The following ZNF688 variants were observed in gnomAD, a reference collection of about 807,000 sequenced individuals.
The protein encoded by ZNF688 is zinc finger protein 688.
ZNF688 carries 10 observed loss-of-function variants against 13.2 expected under a neutral mutation model. That is an observed-to-expected ratio of 0.76 (90% CI 0.47 to 1.28). The LOEUF is 1.28. Among genes scored for constraint, ZNF688 ranks in the 50% most tolerant of loss-of-function variants. The pLI, the probability that ZNF688 is intolerant of heterozygous loss-of-function variation, is 0.00. For synonymous variants in ZNF688, 160 were observed against 159.4 expected (o/e 1.00, Z -0.03); for missense variants, 381 against 391.4 (o/e 0.97, Z 0.22).
intron 2 of ZNF688, 71 bp downstream of exon 2, chr16:30,570,939 G>C: frequency 6.8e-7 from 1 of 1,469,742 alleles, no homozygotes; most frequent in Non-Finnish European, 9.5e-7. Flanking sequence ...GGAAGTGGGG[G>C]CCTGAAAAGA....
chr16:30,570,483 C>G, intron 2 of ZNF688, 47 bp from the exon 3 acceptor site: 1 of 1,571,512 alleles, frequency 6.4e-7, no homozygotes, highest in Non-Finnish European at 8.6e-7. Flanking sequence ...TTTGCACAGA[C>G]TGTCTCAGGT....
chr16:30,570,013 G>C lies in ZNF688; in HGVS notation c.734C>G (p.Pro245Arg), dbSNP rs764164631. 1 of 1,610,946 alleles carries C rather than the reference G, an allele frequency of 6.2e-7. No homozygotes were observed. The highest frequency in any genetic ancestry group is 8.5e-7 in the Non-Finnish European group (1 of 1,179,340). Residue 245 changes from proline (P) to arginine (R), a missense_variant, in exon 3 of 3, where the codon CCT (proline) becomes CGT (arginine). Coordinates refer to ENST00000223459, the MANE Select transcript of ZNF688 (RefSeq NM_145271.4). Reference protein sequence around the residue: ...SCSGGRRGRRPGIRAVPRAPV... With the variant: ...SCSGGRRGRRRGIRAVPRAPV... ...GGCCCGAGGCACAGCCCGGATCCCA[G>C]GCCTCCGGCCCCGCCGCCCCCCGGA...
upstream of ZNF688, chr16:30,573,603 A>G (rs1383861566): frequency 1.2e-5 from 2 of 161,560 alleles, no homozygotes; most frequent in South Asian, 1.7e-4. Context: ...CTGGCTCTGG[A>G]TCTACTTGCT....
chr16:30,570,053 T>G lies in ZNF688; in HGVS notation c.694A>C (p.Ile232Leu). 1 of 1,610,958 alleles carries G rather than the reference T, an allele frequency of 6.2e-7. No individual in the cohort carries two copies. The highest frequency in any genetic ancestry group is 8.5e-7 in the Non-Finnish European group (1 of 1,179,258). Reference protein sequence around the residue: ...RKFAVEAHQWIHRSCSGGRRG... With the variant: ...RKFAVEAHQWLHRSCSGGRRG... Reference sequence around the variant, plus strand: ...CGCCCCCCGGAGCAGGAGCGGTGGATCCACTGGTGCGCTTCCACTGCGAAC... The same window carrying G: ...CGCCCCCCGGAGCAGGAGCGGTGGAGCCACTGGTGCGCTTCCACTGCGAAC... Residue 232 changes from isoleucine (I) to leucine (L), a missense_variant, in exon 3 of 3, where the codon ATC becomes CTC. Ile to Leu is a conservative substitution (Grantham distance 5). Coordinates refer to ENST00000223459, the MANE Select transcript of ZNF688 (RefSeq NM_145271.4).
chr16:30,578,237 G>A, the ZNF688 span: 2 of 152,286 alleles, frequency 1.3e-5, no homozygotes, highest in African/African-American at 4.8e-5. Context: ...AGGCTGAGAT[G>A]AGAACGAGAA....
upstream of ZNF688, among the ~76,000 whole-genome samples, chr16:30,574,223 G>A (rs372384837): frequency 2.6e-5 from 4 of 151,366 alleles, no homozygotes; most frequent in Non-Finnish European, 5.9e-5. Context: ...TTCAACCTGC[G>A]TGACAGAGTG....
rs2051650435 is a variant in ZNF688 at position 30,570,242 on chromosome 16, C to T, written c.505G>A (p.Ala169Thr). ...TGAGCATCCATGCTGGGTATGGGTG[C>T]CGGGGGCTGTGCTCCTGTGGTCGGG... ...WDPTTGAQPP[A>T]PIPSMDAQAG... The change falls in exon 3 of 3, where the codon GCA becomes ACA. Residue 169 changes from alanine (A) to threonine (T), a missense_variant. Coordinates refer to ENST00000223459, the MANE Select transcript of ZNF688 (RefSeq NM_145271.4). 1 of 1,613,422 alleles carries T rather than the reference C, an allele frequency of 6.2e-7. No individual in the cohort carries two copies. Among genetic ancestry groups the T allele is most frequent in the Non-Finnish European group, 8.5e-7 (1 of 1,179,870 alleles).
upstream of ZNF688, chr16:30,572,633 G>A (rs2051704156): frequency 5.7e-6 from 1 of 176,010 alleles, no homozygotes; most frequent in African/African-American, 2.4e-5. Flanking sequence ...GCCCAGCAGT[G>A]CGATCCTAGC....
Position 30,569,866 on chromosome 16 carries a change from C to T in ZNF688, c.*50G>A. 2.0e-6 allele frequency: 3 copies of T among 1,500,532 alleles called. No individual in the cohort carries two copies. Among genetic ancestry groups the T allele is most frequent in the South Asian group, 2.7e-5 (2 of 73,784 alleles). 93.0% of individuals were successfully genotyped at this position (1,500,532 alleles called of 1,614,324 possible). A position where few individuals can be genotyped will look rare whatever the true frequency, so the allele number is the denominator to read the frequency against. On this transcript the variant is annotated 3_prime_UTR_variant, in exon 3 of 3. Coordinates refer to ENST00000223459, the MANE Select transcript of ZNF688 (RefSeq NM_145271.4). ...GACTCAGTGGCCCACCTCAGGGATC[C>T]GTCAGTCCTTCGTGCCAAGGTCAGG...
upstream of ZNF688, among the ~76,000 whole-genome samples, chr16:30,576,250 T>C (rs1232097764): frequency 6.6e-6 from 1 of 151,748 alleles, no homozygotes; most frequent in African/African-American, 2.4e-5. Flanking sequence ...CTCGCTCTGT[T>C]GCCCAGGCTG....
At chr16:30,577,688 T>G (rs1434320047), upstream of ZNF688, among the ~76,000 whole-genome samples, 2 of 149,964 alleles carry the variant, frequency 1.3e-5, no homozygotes, top group African/African-American at 4.9e-5. Flanking sequence ...GCCTGTGGTT[T>G]TTTTTTTTTT....
At position 30,570,129 on chromosome 16, in the gene ZNF688, C is replaced by A; in HGVS notation, c.618G>T (p.Ser206=). 6.2e-7 allele frequency: 1 copy of A among 1,611,152 alleles called. No homozygotes were observed. Among genetic ancestry groups the A allele is most frequent in the Non-Finnish European group, 8.5e-7 (1 of 1,178,672 alleles). The change falls in exon 3 of 3, where the codon TCG becomes TCT. Residue 206 remains serine (S), a synonymous_variant. Coordinates refer to ENST00000223459, the MANE Select transcript of ZNF688 (RefSeq NM_145271.4). Reference sequence around the variant, plus strand: ...CGGGGCAGGGGAAAGGCCGCTCCCCCGAGTGCATGCGCCTGTGGCTGACCA... The same window carrying A: ...CGGGGCAGGGGAAAGGCCGCTCCCCAGAGTGCATGCGCCTGTGGCTGACCA... The part of the protein sequence containing the change: ...SLLVSHRRMH[S]GERPFPCPEC...
intron 2 of ZNF688, 45 bp from the exon 3 acceptor site, chr16:30,570,481 G>T: frequency 6.4e-7 from 1 of 1,573,672 alleles, no homozygotes. Flanking sequence ...CTTTTGCACA[G>T]ACTGTCTCAG....
At chr16:30,576,916 G>A (rs1190416205), upstream of ZNF688, among the ~76,000 whole-genome samples, 2 of 151,752 alleles carry the variant, frequency 1.3e-5, no homozygotes, top group Non-Finnish European at 2.9e-5. Context: ...CTAGAAGTGT[G>A]CAACACCATG....
chr16:30,577,977 A>G, the ZNF688 span, among the ~76,000 whole-genome samples: 1 of 152,052 alleles, frequency 6.6e-6, no homozygotes, highest in East Asian at 1.9e-4. Flanking sequence ...GCCTGAAACA[A>G]ACTTTCAAGT....
At chr16:30,572,439 G>A (rs1237247125), upstream of ZNF688, 5 of 716,670 alleles carry the variant, frequency 7.0e-6, no homozygotes, top group Non-Finnish European at 9.9e-6. Context: ...GCTTAGCTGC[G>A]GAGTCCACCC....
chr16:30,571,160 G>T, intron 1 of ZNF688, 37 bp from the exon 2 acceptor site: 2 of 1,548,718 alleles, frequency 1.3e-6, no homozygotes, highest in Non-Finnish European at 1.7e-6. Context: ...GGGCCTGAGA[G>T]GCCATCGTGG....
chr16:30,576,903 G>C (rs1355647873), upstream of ZNF688, among the ~76,000 whole-genome samples: 9 of 151,760 alleles, frequency 5.9e-5, no homozygotes. Flanking sequence ...CAAGTCGTTG[G>C]AACTAGAAGT....
chr16:30,570,280 T>G lies in ZNF688; in HGVS notation c.467A>C (p.Asn156Thr). The change falls in exon 3 of 3, where the codon AAT becomes ACT. Residue 156 changes from asparagine to threonine, a missense_variant. Coordinates refer to ENST00000223459, the MANE Select transcript of ZNF688 (RefSeq NM_145271.4). ...TCCTGTGGTCGGGTCCCAGGCAGCA[T>G]TTTTGGGTGGCTGTGCCCGTGCCGG... ...VAPARAQPPK[N>T]AAWDPTTGAQ... 1 of 1,613,852 alleles carries G rather than the reference T, an allele frequency of 6.2e-7. No individual in the cohort carries two copies.
Sources: allele counts gnomAD v4.1 joint callset (sites outside exome capture counted in the v4.1 genomes callset), GRCh38; gene constraint gnomAD v4.1.1; transcripts MANE v1.5; gene names NCBI Gene and HGNC (gene_info 2026-07-23, HGNC 2026-07-21).